Variants in KLF16 observed in about 807,000 individuals in gnomAD.
KLF16 encodes KLF transcription factor 16.
KLF16 carries 6 observed loss-of-function variants against 6.1 expected under a neutral mutation model. That is an observed-to-expected ratio of 0.98 (90% CI 0.54 to 1.93). The LOEUF is 1.93. Among genes scored for constraint, KLF16 ranks in the 30% most tolerant of loss-of-function variants. The pLI is 0.01. For missense variants in KLF16, 355 were observed against 363.8 expected, an observed-to-expected ratio of 0.98 and a Z score of 0.20; for synonymous variants, 211 against 176.5, an observed-to-expected ratio of 1.20 and a Z score of -1.55.
upstream of KLF16, among the ~76,000 whole-genome samples, chr19:1,865,170 G>A (rs538190334): frequency 2.0e-5 from 3 of 152,344 alleles, no homozygotes; most frequent in African/African-American, 7.2e-5. Context: ...GGAGCCGAGA[G>A]AGAGGAGGTT....
chr19:1,872,572 A>G, the KLF16 span, among the ~76,000 whole-genome samples: 1,912 of 152,206 alleles, frequency 0.013, 44 homozygotes, highest in African/African-American at 0.044. Flanking sequence ...GGACACACAC[A>G]CTGCCTGTTC....
chr19:1,856,001 A>C (rs1013332938), intron 1 of KLF16, among the ~76,000 whole-genome samples: 3 of 152,206 alleles, frequency 2.0e-5, no homozygotes, highest in Non-Finnish European at 4.4e-5. Context: ...CCCAAAGCCT[A>C]TTCTCAAGGA....
upstream of KLF16, among the ~76,000 whole-genome samples, chr19:1,868,464 T>A (rs1175679042): frequency 1.1e-4 from 1 of 8,808 alleles, no homozygotes; most frequent in Non-Finnish European, 2.3e-4. Context: ...ATTAGGGCTT[T>A]TTTTTTTTTT....
At chr19:1,856,399 C>T (rs574831262) in intron 1 of KLF16, among the ~76,000 whole-genome samples, 13 of 152,198 alleles carry the variant, frequency 8.5e-5, no homozygotes, top group South Asian at 6.2e-4. Flanking sequence ...CACCCCGACA[C>T]CCTCAGCAAA....
chr19:1,870,588 G>A, the KLF16 span, among the ~76,000 whole-genome samples: 2 of 152,086 alleles, frequency 1.3e-5, no homozygotes, highest in African/African-American at 2.4e-5. Flanking sequence ...AAGATCACTC[G>A]AGCCTAGGAC....
At chr19:1,874,188 C>G in the KLF16 span, among the ~76,000 whole-genome samples, 115 of 152,174 alleles carry the variant, frequency 7.6e-4, no homozygotes, top group Non-Finnish European at 6.5e-4. Context: ...CAAAGAAGAT[C>G]ACGGTGGGAG....
the KLF16 span, among the ~76,000 whole-genome samples, chr19:1,869,101 G>A: frequency 6.6e-6 from 1 of 152,188 alleles, no homozygotes; most frequent in Non-Finnish European, 1.5e-5. Context: ...GGCCGGGCCA[G>A]GAAAGGAAAA....
chr19:1,859,899 T>G (rs1055407188), intron 1 of KLF16, among the ~76,000 whole-genome samples: 2 of 151,816 alleles, frequency 1.3e-5, no homozygotes, highest in Admixed American at 1.3e-4. Context: ...GCTCCTGCCA[T>G]GGAGTGCGTA....
chr19:1,871,771 G>A, the KLF16 span, among the ~76,000 whole-genome samples: 1 of 152,032 alleles, frequency 6.6e-6, no homozygotes, highest in Non-Finnish European at 1.5e-5. Context: ...ACACAGCGAG[G>A]TCACCCTGCT....
At chr19:1,863,840 C>A (rs1225157923), upstream of KLF16, among the ~76,000 whole-genome samples, 7 of 146,500 alleles carry the variant, frequency 4.8e-5, no homozygotes, top group Non-Finnish European at 6.1e-5. Flanking sequence ...GGCGCGCCCA[C>A]TCCGGCCTCC....
chr19:1,861,247 G>C (rs946904794), intron 1 of KLF16, among the ~76,000 whole-genome samples: 1 of 152,148 alleles, frequency 6.6e-6, no homozygotes, highest in Non-Finnish European at 1.5e-5. Context: ...ACTTAACCCA[G>C]AAACTCAGAA....
intron 1 of KLF16, among the ~76,000 whole-genome samples, chr19:1,856,887 G>A (rs2011960814): frequency 6.6e-6 from 1 of 150,976 alleles, no homozygotes; most frequent in African/African-American, 2.5e-5. Flanking sequence ...CCCCTTTCAG[G>A]GCGGCGGGGC....
At chr19:1,869,925 TTTTTC>T in the KLF16 span, among the ~76,000 whole-genome samples, 1 of 140,970 alleles carries the variant, frequency 7.1e-6, no homozygotes, top group African/African-American at 2.9e-5. Context: ...AGATAAATAC[TTTTTC>T]TTTTTTTTTT....
chr19:1,875,576 C>G, the KLF16 span: 1 of 152,238 alleles, frequency 6.6e-6, no homozygotes, highest in African/African-American at 2.4e-5. Flanking sequence ...CTCTGTGCAC[C>G]TGAACACACT....
the KLF16 span, among the ~76,000 whole-genome samples, chr19:1,872,286 ATG>A: frequency 6.6e-6 from 1 of 152,058 alleles, no homozygotes; most frequent in African/African-American, 2.4e-5. Context: ...GCCCGCCACC[ATG>A]CCAGCTAATT....
At chr19:1,873,450 C>T in the KLF16 span, among the ~76,000 whole-genome samples, 22 of 152,180 alleles carry the variant, frequency 1.4e-4, no homozygotes, top group East Asian at 1.9e-4. Flanking sequence ...CCCCGGGCTC[C>T]GGGTACCAGA....
At chr19:1,855,677 G>A (rs1035714811) in intron 1 of KLF16, among the ~76,000 whole-genome samples, 1 of 152,240 alleles carries the variant, frequency 6.6e-6, no homozygotes. Context: ...TTTAGCCGGG[G>A]TCTCACGCCC....
chr19:1,858,263 G>A (rs549471493), intron 1 of KLF16, among the ~76,000 whole-genome samples: 1 of 152,114 alleles, frequency 6.6e-6, no homozygotes, highest in South Asian at 2.1e-4. Flanking sequence ...AGCAGCTCCC[G>A]CCTGGGCACC....
In KLF16 at chr19:1,857,238, G is replaced by A. The variant is rs1336585846; in HGVS notation, c.458-2478C>T. ...GCTGCGCTGGGCGAAGCGCCTCTGC[G>A]AAATGCCAGGCCCTGCCTCGCACAC... On this transcript the variant is annotated intron_variant, in intron 1 of 1. Transcript: ENST00000250916. The surrounding 1 kb of genome is among the most constrained non-coding windows in gnomAD (Gnocchi z 4.7). 5.9e-5 allele frequency among the ~76,000 whole-genome samples: 9 copies of A among 152,226 alleles called. No homozygotes were observed. The highest frequency in any genetic ancestry group is 1.2e-4 in the Non-Finnish European group (8 of 68,034).
Sources: gnomAD v4.1 joint callset for allele counts (sites outside exome capture counted in the v4.1 genomes callset) on GRCh38, gnomAD v4.1.1 for gene constraint, Gnocchi (gnomAD v3.1) non-coding constraint, MANE v1.5 for transcripts, NCBI Gene and HGNC (gene_info 2026-07-23, HGNC 2026-07-21) for gene names.